Variants in KCNMA1 observed in about 807,000 individuals in gnomAD.
The protein encoded by KCNMA1 is Calcium-activated potassium channel subunit alpha-1.
KCNMA1 carries 29 observed loss-of-function variants against 140.0 expected under a neutral mutation model. The ratio of observed to expected loss-of-function variants is 0.21; its 90% CI spans 0.15 to 0.28. The LOEUF is 0.28. KCNMA1 is among the 10% of genes least tolerant of loss of function. The probability of loss-of-function intolerance (pLI) is 1.00; values close to 1 mark genes in which losing one functional copy is unlikely to be tolerated. For missense variants in KCNMA1, 880 were observed against 1,602.2 expected, an observed-to-expected ratio of 0.55 and a Z score of 7.70; for synonymous variants, 612 against 611.9, an observed-to-expected ratio of 1.00 and a Z score of 0.00.
chr10:77,426,730 C>G (rs2097006019), intron 1 of KCNMA1, among the ~76,000 whole-genome samples: 1 of 152,162 alleles, frequency 6.6e-6, no homozygotes, highest in Non-Finnish European at 1.5e-5. Context: ...GTTTGCTGAC[C>G]CACTTGCCAG....
At chr10:76,899,285 C>T (rs1025051881) in intron 25 of KCNMA1, among the ~76,000 whole-genome samples, 1 of 152,012 alleles carries the variant, frequency 6.6e-6, no homozygotes, top group African/African-American at 2.4e-5. Context: ...TAAAATTATG[C>T]TAAATTTCCC....
chr10:77,244,813 A>G (rs936051589), intron 3 of KCNMA1, among the ~76,000 whole-genome samples: 16 of 143,514 alleles, frequency 1.1e-4, no homozygotes, highest in African/African-American at 4.2e-4. Context: ...GGGAGACAAG[A>G]CTTCCCATTG....
chr10:77,104,266 T>A lies in KCNMA1; in HGVS notation c.1223+4215A>T, dbSNP rs554288059. ...TCACATTCTCATTTCAGGAAGTGTG[T>A]GGCACTCCTGTCTCTATAGGCAAAT... is the stretch of plus-strand genomic sequence containing the variant. On this transcript the variant is annotated intron_variant, in intron 9 of 27. Transcript: ENST00000286628. 5.3e-5 allele frequency among the ~76,000 whole-genome samples: 8 copies of A among 152,308 alleles called. No individual in the cohort carries two copies. In the South Asian group the frequency reaches 1.7e-3, roughly 32 times the overall value.
intron 2 of KCNMA1, among the ~76,000 whole-genome samples, chr10:77,253,762 C>A (rs535065042): frequency 6.6e-6 from 1 of 152,252 alleles, no homozygotes; most frequent in African/African-American, 2.4e-5. Flanking sequence ...ACAGGATAGG[C>A]AAACTGCCCC....
rs997548846 is a variant in KCNMA1 at position 76,953,716 on chromosome 10, A to G, written c.2484+85T>C. 4.5e-6 allele frequency: 7 copies of G among 1,540,342 alleles called. No homozygotes were observed. The South Asian group carries it at 6.7e-5, about 15-fold the overall frequency. On this transcript the variant is annotated intron_variant, in intron 21 of 27. Coordinates refer to ENST00000286628, the MANE Select transcript of KCNMA1 (RefSeq NM_001161352.2). ...TTAGGACCAGGGACAGTATTATCCC[A>G]CTGTCCAACTAGGGAAACCCCATTC...
At position 77,301,812 on chromosome 10, in the gene KCNMA1, G is replaced by A. The variant is rs1268692082; in HGVS notation, c.541-50556C>T. On this transcript the variant is annotated intron_variant, in intron 2 of 27. Coordinates refer to ENST00000286628, the MANE Select transcript of KCNMA1 (RefSeq NM_001161352.2). ...ATTGGCAATCCAGTGAGAAAGCTACGCTAGGCATCCTAGATGCTTTTAGAT... is the reference window on the plus strand; with the variant it reads ...ATTGGCAATCCAGTGAGAAAGCTACACTAGGCATCCTAGATGCTTTTAGAT... Among the ~76,000 whole-genome samples, 5 of 149,460 alleles carry A rather than the reference G, an allele frequency of 3.3e-5. No individual in the cohort carries two copies. In the East Asian group the frequency reaches 5.9e-4, roughly 18 times the overall value.
Position 76,914,324 on chromosome 10 carries a change from G to T in KCNMA1, c.3016+612C>A, listed in dbSNP as rs573249342. 2.2e-5 allele frequency: 13 copies of T among 584,238 alleles called. No individual in the cohort carries two copies. The South Asian group carries it at 2.9e-4, about 13-fold the overall frequency. 36.2% of individuals were successfully genotyped at this position (584,238 alleles called of 1,614,324 possible). A position where few individuals can be genotyped will look rare whatever the true frequency, so the allele number is the denominator to read the frequency against. On this transcript the variant is annotated intron_variant, in intron 24 of 27. Transcript: ENST00000286628. ...GCACACTCACTAATGGTAACAGGGA[G>T]TGCCATGGCCAGGTTAGAAGTTAGA... is the stretch of plus-strand genomic sequence containing the variant.
chr10:77,614,265 G>A (rs1285900207), intron 1 of KCNMA1, among the ~76,000 whole-genome samples: 1 of 152,078 alleles, frequency 6.6e-6, no homozygotes, highest in African/African-American at 2.4e-5. Context: ...TCATTCATTC[G>A]CCCACCATCT....
chr10:77,217,340 T>A, intron 3 of KCNMA1: 1 of 283,446 alleles, frequency 3.5e-6, no homozygotes, highest in Non-Finnish European at 7.2e-6. Flanking sequence ...AAAAACTAAA[T>A]TTTTTTCTAA....
intron 23 of KCNMA1, among the ~76,000 whole-genome samples, chr10:76,936,376 A>G (rs911202611): frequency 1.3e-5 from 2 of 152,238 alleles, no homozygotes; most frequent in Non-Finnish European, 2.9e-5. Flanking sequence ...ATCTAAAGTT[A>G]CTACCTAGAG....
chr10:77,563,650 T>C (rs2067139134), intron 1 of KCNMA1, among the ~76,000 whole-genome samples: 1 of 152,164 alleles, frequency 6.6e-6, no homozygotes, highest in Admixed American at 6.5e-5. Context: ...ATGAAAAGAT[T>C]TGGGGTTCAA....
chr10:77,028,635 C>G (rs972272988), intron 15 of KCNMA1, among the ~76,000 whole-genome samples: 2 of 152,142 alleles, frequency 1.3e-5, no homozygotes, highest in Non-Finnish European at 2.9e-5. Context: ...AAAACTCTCC[C>G]AGCACCTTGT....
chr10:77,046,672 T>C (rs2095075834), intron 14 of KCNMA1, among the ~76,000 whole-genome samples: 1 of 152,246 alleles, frequency 6.6e-6, no homozygotes. Context: ...TCCCTCTATG[T>C]TCCAATGTCA....
intron 23 of KCNMA1, among the ~76,000 whole-genome samples, chr10:76,918,500 C>T (rs1286090616): frequency 1.3e-5 from 2 of 152,126 alleles, no homozygotes; most frequent in Non-Finnish European, 2.9e-5. Flanking sequence ...TATATAACAT[C>T]ACTAAGTATC....
chr10:77,335,044 T>G (rs1411876630), intron 2 of KCNMA1, among the ~76,000 whole-genome samples: 1 of 152,170 alleles, frequency 6.6e-6, no homozygotes, highest in Non-Finnish European at 1.5e-5. Context: ...TAAAGGATTT[T>G]CAGAGTACAG....
intron 2 of KCNMA1, among the ~76,000 whole-genome samples, chr10:77,254,239 T>TTA (rs1258289218): frequency 1.1e-4 from 16 of 151,796 alleles, no homozygotes; most frequent in South Asian, 6.3e-4. Context: ...TTTTTTTTTT[T>TTA]TAGACAGATC....
intron 1 of KCNMA1, among the ~76,000 whole-genome samples, chr10:77,585,995 T>C (rs2077173745): frequency 1.3e-5 from 2 of 152,224 alleles, no homozygotes; most frequent in African/African-American, 4.8e-5. Flanking sequence ...TTATCAAAAA[T>C]AGAAACCAAT....
chr10:77,583,340 T>C (rs2076377238), intron 1 of KCNMA1, among the ~76,000 whole-genome samples: 1 of 152,198 alleles, frequency 6.6e-6, no homozygotes, highest in South Asian at 2.1e-4. Flanking sequence ...GGGGCACAAA[T>C]GGCTGCTGGA....
At chr10:77,273,545 A>G (rs1289179849) in intron 2 of KCNMA1, among the ~76,000 whole-genome samples, 1 of 152,216 alleles carries the variant, frequency 6.6e-6, no homozygotes, top group Non-Finnish European at 1.5e-5. Flanking sequence ...AATGGATATA[A>G]AAGAGATCAA....
Sources: allele counts gnomAD v4.1 joint callset (sites outside exome capture counted in the v4.1 genomes callset), GRCh38; gene constraint gnomAD v4.1.1; transcripts MANE v1.5; gene names NCBI Gene and HGNC (gene_info 2026-07-23, HGNC 2026-07-21).